Variants in SH2D4A observed in about 807,000 individuals in gnomAD.
The protein encoded by SH2D4A is SH2 domain containing 4A, also known as SH2 domain-containing protein 4A.
SH2D4A carries 70 observed loss-of-function variants against 64.7 expected under a neutral mutation model. The ratio of observed to expected loss-of-function variants is 1.08; its 90% CI spans 0.89 to 1.32. The LOEUF (loss-of-function observed/expected upper bound fraction) is 1.32, where lower values mean the gene tolerates loss of function less well. Ranked by LOEUF, SH2D4A falls within the 40% of genes most tolerant of loss-of-function variation. The pLI is 0.00. For missense variants in SH2D4A, 706 were observed against 540.1 expected, an observed-to-expected ratio of 1.31 and a Z score of -3.04; for synonymous variants, 268 against 200.7, an observed-to-expected ratio of 1.34 and a Z score of -2.83.
At chr8:19,357,793 G>A (rs572488987) in intron 5 of SH2D4A, among the ~76,000 whole-genome samples, 48 of 152,260 alleles carry the variant, frequency 3.2e-4, no homozygotes, top group Non-Finnish European at 5.7e-4. Flanking sequence ...TTCCTCCGTC[G>A]TGTGAGCTTG....
rs763923422 is a variant in SH2D4A, at chr8:19,361,244, T to A, written c.636T>A (p.Asn212Lys). The change falls in exon 6 of 10, where the codon AAT becomes AAA. Residue 212 changes from asparagine to lysine, a missense_variant. Transcript: ENST00000265807. ...AGAAAAAACAAGATGAAGAAATAAATCAAATAGAAGAAGAGAGAACGAAGC... is the reference window on the plus strand; with the variant it reads ...AGAAAAAACAAGATGAAGAAATAAAACAAATAGAAGAAGAGAGAACGAAGC... Reference protein sequence around the residue: ...SMKKKQDEEINQIEEERTKQI... With the variant: ...SMKKKQDEEIKQIEEERTKQI... 9 of 1,600,936 alleles carry A rather than the reference T, an allele frequency of 5.6e-6. No individual in the cohort carries two copies. Among genetic ancestry groups the A allele is most frequent in the Non-Finnish European group, 7.7e-6 (9 of 1,171,506 alleles).
intron 8 of SH2D4A, chr8:19,375,540 G>C (rs1161613208): frequency 1.3e-5 from 2 of 152,262 alleles, no homozygotes; most frequent in African/African-American, 4.8e-5. Flanking sequence ...GGGTAGGAGA[G>C]GACAAAGTGA....
At chr8:19,373,337 C>G (rs1247956914) in intron 7 of SH2D4A, among the ~76,000 whole-genome samples, 193 bp from the exon 8 acceptor site, 1 of 146,596 alleles carries the variant, frequency 6.8e-6, no homozygotes, top group East Asian at 1.9e-4. Flanking sequence ...CACCCCCACA[C>G]ACACATGTGT....
intron 5 of SH2D4A, among the ~76,000 whole-genome samples, chr8:19,360,565 G>C (rs1380699044): frequency 6.6e-6 from 1 of 152,148 alleles, no homozygotes; most frequent in East Asian, 1.9e-4. Context: ...AGTGAGCCGA[G>C]ATTATACCAC....
chr8:19,320,623 C>CGAA, intron 2 of SH2D4A, among the ~76,000 whole-genome samples: 1 of 68,858 alleles, frequency 1.5e-5, no homozygotes, highest in Non-Finnish European at 2.7e-5. Context: ...GACTGTGTGT[C>CGAA]AAAAAAAAAA....
chr8:19,385,769 C>G (rs914791549), intron 8 of SH2D4A, among the ~76,000 whole-genome samples: 2 of 152,178 alleles, frequency 1.3e-5, no homozygotes, highest in African/African-American at 2.4e-5. Flanking sequence ...CTCATGGAGG[C>G]TTCCCAAAAT....
chr8:19,394,484 T>C (rs1466006365), intron 9 of SH2D4A, 66 bp from the exon 10 acceptor site: 12 of 1,137,558 alleles, frequency 1.1e-5, no homozygotes, highest in Non-Finnish European at 1.5e-5. Flanking sequence ...TGATGTCCTC[T>C]GAGGAAGTAG....
chr8:19,341,833 C>T (rs2052533555), intron 4 of SH2D4A, among the ~76,000 whole-genome samples: 1 of 137,296 alleles, frequency 7.3e-6, no homozygotes. Context: ...CAGAGCAAAA[C>T]CTTGTCTTAA....
At position 19,364,172 on chromosome 8, in the gene SH2D4A, C is replaced by T. The variant is rs751047503; in HGVS notation, c.807C>T (p.Gly269=). The T allele has an allele frequency of 4.9e-5, 79 of 1,613,992 alleles. No homozygotes were observed. The highest frequency in any genetic ancestry group is 1.3e-4 in the East Asian group (6 of 44,874). ...CCCTCGGGGCCCAGAAAGGAAGAGG[C>T]GGTGAGAGGCTGCAAAGCCCCTTGC... ...RLSLGAQKGR[G]GERLQSPLRV... The change falls in exon 7 of 10, where the codon GGC becomes GGT. Residue 269 remains glycine, a synonymous_variant. Coordinates refer to ENST00000265807, the MANE Select transcript of SH2D4A (RefSeq NM_022071.4).
chr8:19,319,328 C>T lies in SH2D4A; in HGVS notation c.-204-16C>T. 3.3e-6 allele frequency: 4 copies of T among 1,202,544 alleles called. No homozygotes were observed. The highest frequency in any genetic ancestry group is 3.1e-6 in the Non-Finnish European group (3 of 969,590). 74.5% of individuals were successfully genotyped at this position (1,202,544 alleles called of 1,614,324 possible). ...TTTTAACACGCTGCCTGAATGTGGG[C>T]TCTTTCTCTCTGCAGGTTCAGTGAA... On this transcript the variant is annotated splice_polypyrimidine_tract_variant and intron_variant, in intron 1 of 9. Coordinates refer to ENST00000265807, the MANE Select transcript of SH2D4A (RefSeq NM_022071.4).
At chr8:19,372,126 C>G (rs889054881) in intron 7 of SH2D4A, among the ~76,000 whole-genome samples, 4 of 152,162 alleles carry the variant, frequency 2.6e-5, no homozygotes, top group African/African-American at 9.7e-5. Context: ...AAGGATTAGG[C>G]TTTTATTCCA....
At chr8:19,376,346 G>C (rs2053195115) in intron 8 of SH2D4A, among the ~76,000 whole-genome samples, 1 of 152,106 alleles carries the variant, frequency 6.6e-6, no homozygotes, top group Non-Finnish European at 1.5e-5. Flanking sequence ...CCAAGACCAG[G>C]CACAGTGGCT....
intron 4 of SH2D4A, among the ~76,000 whole-genome samples, chr8:19,341,936 T>C (rs1475985793): frequency 6.6e-6 from 1 of 151,848 alleles, no homozygotes; most frequent in Admixed American, 6.6e-5. Flanking sequence ...TTCTTACCAG[T>C]CTGATCTAAA....
In SH2D4A at chr8:19,313,934, G is replaced by C. The variant is rs978430396; in HGVS notation, c.-205+111G>C. 1.0e-5 allele frequency: 13 copies of C among 1,287,992 alleles called. No homozygotes were observed. The African/African-American group carries it at 1.2e-4, about 12-fold the overall frequency. The allele number at this position is 1,287,992 out of a possible 1,614,324, so 79.8% of individuals were successfully genotyped here. On this transcript the variant is annotated intron_variant, in intron 1 of 9. Coordinates refer to ENST00000265807, the MANE Select transcript of SH2D4A (RefSeq NM_022071.4). ...GGGTGCATGGGAGGCGCAGGGGCCA[G>C]AGCGGGCGGGCGGAAGCCTCACCCC...
At chr8:19,371,527 TTATAA>T (rs1048536456) in intron 7 of SH2D4A, among the ~76,000 whole-genome samples, 1 of 152,192 alleles carries the variant, frequency 6.6e-6, no homozygotes, top group African/African-American at 2.4e-5. Flanking sequence ...GAGGGTTTGA[TTATAA>T]TATGTCTTGG....
intron 1 of SH2D4A, among the ~76,000 whole-genome samples, chr8:19,317,137 C>T (rs777912456): frequency 2.0e-5 from 3 of 152,090 alleles, no homozygotes; most frequent in Non-Finnish European, 1.5e-5. Context: ...GTGATTTCTG[C>T]GAAAACCAAC....
At chr8:19,363,773 C>A (rs2052933949) in intron 6 of SH2D4A, 1 of 402,834 alleles carries the variant, frequency 2.5e-6, no homozygotes, top group East Asian at 5.0e-5. Flanking sequence ...CTTGGTCTTG[C>A]CAACTGCAGG....
chr8:19,393,641 T>TGG lies in SH2D4A; in HGVS notation c.1272+103_1272+104dup, dbSNP rs2053536794. On this transcript the variant is annotated intron_variant, in intron 9 of 9. Coordinates refer to ENST00000265807, the MANE Select transcript of SH2D4A (RefSeq NM_022071.4). ...CAAAGAAAAGGACTGAGACAAGTACTGGGGAGGGGACAGGGGTGGGGGCTT... is the reference window on the plus strand; with the variant it reads ...CAAAGAAAAGGACTGAGACAAGTACTGGGGGGAGGGGACAGGGGTGGGGGCTT... The TGG allele has an allele frequency of 2.6e-6, 3 of 1,138,082 alleles. No individual in the cohort carries two copies. The South Asian group carries it at 4.2e-5, about 16-fold the overall frequency. The allele number at this position is 1,138,082 out of a possible 1,614,324, so 70.5% of individuals were successfully genotyped here. A position where few individuals can be genotyped will look rare whatever the true frequency, so the allele number is the denominator to read the frequency against.
chr8:19,343,758 G>A (rs917462515), intron 4 of SH2D4A, among the ~76,000 whole-genome samples: 4 of 152,150 alleles, frequency 2.6e-5, no homozygotes, highest in African/African-American at 7.2e-5. Context: ...ACAGCGCCAC[G>A]AGGAAGGCAT....
Sources: gnomAD v4.1 joint callset for allele counts (sites outside exome capture counted in the v4.1 genomes callset) on GRCh38, gnomAD v4.1.1 for gene constraint, MANE v1.5 for transcripts, NCBI Gene and HGNC (gene_info 2026-07-23, HGNC 2026-07-21) for gene names.